Variants in GRIK1 observed in about 807,000 individuals in gnomAD.
GRIK1 encodes glutamate ionotropic receptor kainate type subunit 1.
Under a neutral mutation model 105.7 loss-of-function variants are expected in GRIK1, and 69 were observed. That is an observed-to-expected ratio of 0.65 (90% CI 0.54 to 0.80). GRIK1 has a LOEUF of 0.80. GRIK1 is among the 30% of genes least tolerant of loss of function. The probability of loss-of-function intolerance (pLI) is 0.00; values close to 1 mark genes in which losing one functional copy is unlikely to be tolerated. For missense variants in GRIK1, 1,109 were observed against 1,167.3 expected (o/e 0.95, Z 0.73); for synonymous variants, 438 against 431.3 (o/e 1.02, Z -0.19).
rs554244674 is a variant in GRIK1, at chr21:29,883,773, T to C, written c.118+55610A>G. 2.0e-5 allele frequency among the ~76,000 whole-genome samples: 3 copies of C among 152,148 alleles called. No homozygotes were observed. The South Asian group carries it at 6.2e-4, about 32-fold the overall frequency. Reference sequence around the variant, plus strand: ...TTTTTTCTCAAAGTCCACTTTCTTTTTTTTCTCATTGCAAGAAAATTAGAA... The same window carrying C: ...TTTTTTCTCAAAGTCCACTTTCTTTCTTTTCTCATTGCAAGAAAATTAGAA... On this transcript the variant is annotated intron_variant, in intron 1 of 17. Coordinates refer to ENST00000327783, the MANE Select transcript of GRIK1 (RefSeq NM_001330994.2).
At chr21:29,578,894 G>A (rs572410300) in intron 13 of GRIK1, among the ~76,000 whole-genome samples, 1 of 152,182 alleles carries the variant, frequency 6.6e-6, no homozygotes, top group South Asian at 2.1e-4. Flanking sequence ...TCATAAAATA[G>A]CCATAGGAAA....
chr21:29,598,994 A>G (rs1013698393), intron 7 of GRIK1, 57 bp from the exon 8 acceptor site: 71 of 791,492 alleles, frequency 9.0e-5, no homozygotes, highest in Non-Finnish European at 2.1e-5. Flanking sequence ...AATTCCTGAG[A>G]CCATCAAAAT....
At chr21:29,905,873 C>A (rs567344573) in intron 1 of GRIK1, among the ~76,000 whole-genome samples, 1 of 152,218 alleles carries the variant, frequency 6.6e-6, no homozygotes, top group Non-Finnish European at 1.5e-5. Flanking sequence ...AGTGATCTCC[C>A]GACCTCGGCC....
chr21:29,862,691 CA>C (rs923487268), intron 1 of GRIK1, among the ~76,000 whole-genome samples: 2 of 151,822 alleles, frequency 1.3e-5, no homozygotes, highest in African/African-American at 4.8e-5. Context: ...CTGTAGGAAA[CA>C]AAAAAACACT....
rs987650211 is a variant in GRIK1, at chr21:29,862,646, G to A, written c.118+76737C>T. 3.3e-5 allele frequency among the ~76,000 whole-genome samples: 5 copies of A among 152,062 alleles called. 1 individual carries two copies. The highest frequency in any genetic ancestry group is 3.8e-4 in the East Asian group (2 of 5,196). On this transcript the variant is annotated intron_variant, in intron 1 of 17. Transcript: ENST00000327783. ...ATGACATCTTGGACTCCAAATCATC[G>A]CTTTGTGCAGGTGTAACTTATGTTC...
intron 1 of GRIK1, among the ~76,000 whole-genome samples, chr21:29,742,334 A>G (rs978106942): frequency 1.3e-5 from 2 of 152,238 alleles, no homozygotes; most frequent in Non-Finnish European, 2.9e-5. Context: ...AAGTAGAAAG[A>G]GAGAGAACCA....
Position 29,575,414 on chromosome 21 carries a change from T to C in GRIK1, c.2130+1550A>G, listed in dbSNP as rs575809750. Among the ~76,000 whole-genome samples, 7 of 152,246 alleles carry C rather than the reference T, an allele frequency of 4.6e-5. No homozygotes were observed. The South Asian group carries it at 1.5e-3, about 32-fold the overall frequency. On this transcript the variant is annotated intron_variant, in intron 14 of 17. Coordinates refer to ENST00000327783, the MANE Select transcript of GRIK1 (RefSeq NM_001330994.2). Reference sequence around the variant, plus strand: ...AAACCCTAAAAGCCCTATATCCATCTAACAAAATGCAACTTATACCTCCTA... The same window carrying C: ...AAACCCTAAAAGCCCTATATCCATCCAACAAAATGCAACTTATACCTCCTA...
At chr21:29,857,174 G>T (rs1421652604) in intron 1 of GRIK1, among the ~76,000 whole-genome samples, 1 of 151,896 alleles carries the variant, frequency 6.6e-6, no homozygotes, top group South Asian at 2.1e-4. Flanking sequence ...TCAAAGTAAC[G>T]TGGAAGCAGA....
At chr21:29,551,629 A>C (rs2090137546) in intron 16 of GRIK1, among the ~76,000 whole-genome samples, 1 of 151,232 alleles carries the variant, frequency 6.6e-6, no homozygotes, top group Admixed American at 6.7e-5. Flanking sequence ...AAAGTAGTAT[A>C]GAAATATTAA....
intron 14 of GRIK1, among the ~76,000 whole-genome samples, chr21:29,573,027 C>G (rs1463354604): frequency 6.6e-6 from 1 of 152,160 alleles, no homozygotes; most frequent in African/African-American, 2.4e-5. Context: ...CCAGCCTCGG[C>G]CTCCCAAAGT....
rs1402790530 is a variant in GRIK1, at chr21:29,580,010, T to A, written c.1912+1415A>T. ...GTGTATATATATGTATATATATGTA[T>A]ATATATGTGTATATATGTATATATG... is the stretch of plus-strand genomic sequence containing the variant. On this transcript the variant is annotated intron_variant, in intron 13 of 17. Coordinates refer to ENST00000327783, the MANE Select transcript of GRIK1 (RefSeq NM_001330994.2). Among the ~76,000 whole-genome samples the A allele has an allele frequency of 1.2e-4, 18 of 145,098 alleles. No homozygotes were observed. In the Admixed American group the frequency reaches 1.2e-3, roughly 10 times the overall value.
intron 1 of GRIK1, among the ~76,000 whole-genome samples, chr21:29,789,738 G>A (rs2066360540): frequency 6.6e-6 from 1 of 152,196 alleles, no homozygotes; most frequent in Non-Finnish European, 1.5e-5. Context: ...TTTGAATGTA[G>A]GAGAGATATG....
intron 7 of GRIK1, among the ~76,000 whole-genome samples, chr21:29,600,588 T>C (rs1049769615): frequency 2.6e-5 from 4 of 152,248 alleles, no homozygotes; most frequent in Non-Finnish European, 5.9e-5. Context: ...TCTGAAGAAT[T>C]ACACTGTATT....
chr21:29,633,613 A>G (rs1028604982), intron 7 of GRIK1, among the ~76,000 whole-genome samples: 2 of 152,218 alleles, frequency 1.3e-5, no homozygotes, highest in Non-Finnish European at 2.9e-5. Context: ...GTTTATATAT[A>G]AGACAAAACC....
chr21:29,757,696 C>A (rs1017296333), intron 1 of GRIK1, among the ~76,000 whole-genome samples: 1 of 152,180 alleles, frequency 6.6e-6, no homozygotes, highest in Non-Finnish European at 1.5e-5. Context: ...GAGGACTTAA[C>A]TTTAAGCAGG....
intron 7 of GRIK1, among the ~76,000 whole-genome samples, chr21:29,641,411 G>A (rs916007496): frequency 1.1e-4 from 16 of 152,096 alleles, no homozygotes; most frequent in African/African-American, 2.7e-4. Context: ...TTCACTTTCC[G>A]CCATGATTGT....
intron 7 of GRIK1, chr21:29,630,769 TGTTTTTG>T: frequency 2.8e-6 from 1 of 354,152 alleles, no homozygotes; most frequent in African/African-American, 2.2e-5. Flanking sequence ...TGTGTGTGTG[TGTTTTTG>T]TTTTGTTTTG....
In GRIK1 at chr21:29,744,146, TG is replaced by T. The variant is rs564834177; in HGVS notation, c.119-50084del. The stretch of plus-strand genomic sequence containing the variant: ...GTTATAAAAATAAAATTCTTGAGGA[TG>T]GATGAGCCAAGGGAGTTCTTCTGGG... On this transcript the variant is annotated intron_variant, in intron 1 of 17. Coordinates refer to ENST00000327783, the MANE Select transcript of GRIK1 (RefSeq NM_001330994.2). Among the ~76,000 whole-genome samples the T allele has an allele frequency of 5.1e-3, 770 of 152,346 alleles. 7 individuals carry two copies. The highest frequency in any genetic ancestry group is 0.017 in the African/African-American group (706 of 41,582).
At chr21:29,668,199 C>T (rs1426899832) in intron 4 of GRIK1, among the ~76,000 whole-genome samples, 4 of 152,142 alleles carry the variant, frequency 2.6e-5, no homozygotes, top group Non-Finnish European at 4.4e-5. Context: ...ACAAAGAAGG[C>T]TTCTGTCCTC....
Sources: allele counts gnomAD v4.1 joint callset (sites outside exome capture counted in the v4.1 genomes callset), GRCh38; gene constraint gnomAD v4.1.1; transcripts MANE v1.5; gene names NCBI Gene and HGNC (gene_info 2026-07-23, HGNC 2026-07-21).